The following PIGA variants were observed in gnomAD, a reference collection of about 807,000 sequenced individuals.
PIGA encodes the protein phosphatidylinositol glycan anchor biosynthesis class A.
In PIGA, 3 loss-of-function variants were observed where a neutral mutation model predicts 17.1. The ratio of observed to expected loss-of-function variants is 0.18; its 90% CI spans 0.08 to 0.45. The LOEUF is 0.45. Ranked by LOEUF, PIGA falls within the 20% of genes least tolerant of loss-of-function variation. The pLI is 0.99. For missense variants in PIGA, 231 were observed against 374.1 expected, an observed-to-expected ratio of 0.62 and a Z score of 3.16; for synonymous variants, 126 against 135.1, an observed-to-expected ratio of 0.93 and a Z score of 0.47.
rs184041443 is a variant in PIGA, at chrX:15,319,674, T to A, written c.*1832A>T. ...CAAACTGACAGTTACAATTAAGGTA[T>A]CCAGAAAGGTTGAAAATTAAGATTT... On this transcript the variant is annotated 3_prime_UTR_variant, in exon 6 of 6. Transcript: ENST00000333590. 22 of 111,520 alleles carry A rather than the reference T, an allele frequency of 2.0e-4. 1 individual carries two copies. In the East Asian group the frequency reaches 3.3e-3, roughly 17 times the overall value. The allele number at this position is 111,520 out of a possible 1,213,427, so 9.2% of individuals were successfully genotyped here.
intron 1 of PIGA, among the ~76,000 whole-genome samples, chrX:15,334,514 C>T (rs1400210840): frequency 9.0e-6 from 1 of 110,674 alleles, no homozygotes; most frequent in African/African-American, 3.3e-5. Flanking sequence ...AATATACTCT[C>T]GGAAAGACCC....
intron 5 of PIGA, among the ~76,000 whole-genome samples, chrX:15,322,587 T>C (rs1298008251): frequency 4.5e-5 from 5 of 112,012 alleles, no homozygotes. Flanking sequence ...ATTTGAGTAT[T>C]ACTTGTGCTT....
intron 5 of PIGA, among the ~76,000 whole-genome samples, chrX:15,323,841 C>T (rs1208419287): frequency 8.9e-6 from 1 of 111,843 alleles, no homozygotes; most frequent in Non-Finnish European, 1.9e-5. Flanking sequence ...AAACTACTAC[C>T]TTCTCCATGT....
intron 1 of PIGA, 99 bp from the exon 2 acceptor site, chrX:15,332,091 T>G (rs1315732657): frequency 1.9e-6 from 1 of 534,439 alleles, no homozygotes; most frequent in Non-Finnish European, 2.7e-6. Flanking sequence ...GTAAATTTGT[T>G]AGCTTTCCCC....
intron 5 of PIGA, among the ~76,000 whole-genome samples, chrX:15,322,428 G>A (rs750842681): frequency 1.3e-4 from 15 of 112,170 alleles, no homozygotes; most frequent in Non-Finnish European, 2.4e-4. Context: ...GTCAAATGCT[G>A]GCAAATGAAA....
intron 2 of PIGA, chrX:15,326,514 A>G (rs2147718947): frequency 8.9e-6 from 1 of 112,214 alleles, no homozygotes; most frequent in East Asian, 2.8e-4. Context: ...CTATGTACCT[A>G]AAGTCTCTTT....
At chrX:15,335,462 C>T in intron 1 of PIGA, 39 bp downstream of exon 1, 1 of 993,178 alleles carries the variant, frequency 1.0e-6, no homozygotes, top group Admixed American at 4.9e-5. Context: ...CCGAAAGCGG[C>T]CCAGAGCGCT....
chrX:15,323,184 C>T (rs1921866856), intron 5 of PIGA, among the ~76,000 whole-genome samples: 1 of 111,644 alleles, frequency 9.0e-6, no homozygotes, highest in South Asian at 3.8e-4. Context: ...GCTGACAAAC[C>T]GTCACCACAG....
chrX:15,335,528 G>C (rs1193984909), upstream of PIGA: 1 of 970,485 alleles, frequency 1.0e-6, no homozygotes, highest in Non-Finnish European at 1.3e-6. Flanking sequence ...GCCAGTGTCC[G>C]GACCTCCCGC....
chrX:15,322,817 A>G (rs1921856498), intron 5 of PIGA, among the ~76,000 whole-genome samples: 1 of 111,035 alleles, frequency 9.0e-6, no homozygotes. Context: ...TGTTTACAGC[A>G]TGAACTCCAA....
At chrX:15,332,107 T>A in intron 1 of PIGA, 115 bp from the exon 2 acceptor site, 1 of 484,614 alleles carries the variant, frequency 2.1e-6, no homozygotes, top group Non-Finnish European at 3.1e-6. Context: ...TCCCCAGAAT[T>A]AAAAATAAAG....
rs142772459 is a variant in PIGA at position 15,321,540 on chromosome X, C to A, written c.1421G>T (p.Gly474Val). 88 of 1,204,475 alleles carry A rather than the reference C, an allele frequency of 7.3e-5. No homozygotes were observed. The highest frequency in any genetic ancestry group is 9.1e-5 in the Non-Finnish European group (81 of 889,888). The stretch of plus-strand genomic sequence containing the variant: ...TTCAGATATCTCATTATTCTCACCC[C>A]CTCTTTTACTGTGAGAATAGTTATT... ...WTNNYSHSKR[G>V]GENNEISETR Residue 474 changes from glycine to valine, a missense_variant, in exon 6 of 6, where the codon GGG becomes GTG. Around this residue, in one of 5 missense-constraint regions of PIGA, gnomAD observed 88 missense variants for 100.5 expected, o/e 0.88. Transcript: ENST00000333590.
chrX:15,332,013 A>C (rs978817689), intron 1 of PIGA, 21 bp from the exon 2 acceptor site: 1 of 1,037,370 alleles, frequency 9.6e-7, no homozygotes, highest in African/African-American at 1.9e-5. Flanking sequence ...GTAAAACAGG[A>C]TCTCAGCTCA....
At chrX:15,329,629 TTAA>T (rs1033417923) in intron 2 of PIGA, among the ~76,000 whole-genome samples, 3 of 111,645 alleles carry the variant, frequency 2.7e-5, no homozygotes, top group African/African-American at 9.8e-5. Context: ...TGTATTTTTT[TTAA>T]TGATTCCCTA....
chrX:15,321,558 T>C lies in PIGA; in HGVS notation c.1403A>G (p.Tyr468Cys), dbSNP rs761613346. 18 of 1,203,943 alleles carry C rather than the reference T, an allele frequency of 1.5e-5. No homozygotes were observed. In the East Asian group the frequency reaches 4.1e-4, roughly 28 times the overall value. ...CTCACCCCCTCTTTTACTGTGAGAA[T>C]AGTTATTAGTCCAGGCACCCCGTGG... Reference protein sequence around the residue: ...TGPRGAWTNNYSHSKRGGENN... With the variant: ...TGPRGAWTNNCSHSKRGGENN... The change falls in exon 6 of 6, where the codon TAT becomes TGT. Residue 468 changes from tyrosine to cysteine, a missense_variant. Physicochemically the swap from Tyr to Cys is radical, Grantham distance 194 (BLOSUM62 -2). Coordinates refer to ENST00000333590, the MANE Select transcript of PIGA (RefSeq NM_002641.4).
At chrX:15,334,311 C>T (rs1457520371) in intron 1 of PIGA, among the ~76,000 whole-genome samples, 2 of 108,302 alleles carry the variant, frequency 1.8e-5, no homozygotes, top group Non-Finnish European at 3.8e-5. Flanking sequence ...CCACTTCAGC[C>T]TCCTGAATAG....
In PIGA at chrX:15,335,482, C is replaced by A; in HGVS notation, c.-63+19G>T. On this transcript the variant is annotated intron_variant, in intron 1 of 5. Coordinates refer to ENST00000333590, the MANE Select transcript of PIGA (RefSeq NM_002641.4). ...AGCGGCCCAGAGCGCTGGAGAGGGGCGGCGCGACGCGCACTCACCGGTGAG... is the reference window on the plus strand; with the variant it reads ...AGCGGCCCAGAGCGCTGGAGAGGGGAGGCGCGACGCGCACTCACCGGTGAG... The A allele has an allele frequency of 1.0e-6, 1 of 985,115 alleles. No individual in the cohort carries two copies. Among genetic ancestry groups the A allele is most frequent in the Non-Finnish European group, 1.3e-6 (1 of 780,947 alleles). The allele number at this position is 985,115 out of a possible 1,213,427, so 81.2% of individuals were successfully genotyped here.
chrX:15,323,452 G>C (rs1921876233), intron 5 of PIGA, among the ~76,000 whole-genome samples: 1 of 111,183 alleles, frequency 9.0e-6, no homozygotes, highest in Non-Finnish European at 1.9e-5. Flanking sequence ...ATGGAGTAGA[G>C]AGAGTCTGAA....
chrX:15,325,780 A>T, intron 3 of PIGA, 134 bp downstream of exon 3: 1 of 431,037 alleles, frequency 2.3e-6, no homozygotes, highest in Non-Finnish European at 3.7e-6. Context: ...CAGTCCTTGC[A>T]TTAGATTTAT....
Sources: gnomAD v4.1 joint callset for allele counts (sites outside exome capture counted in the v4.1 genomes callset) on GRCh38, gnomAD v4.1.1 for gene constraint, gnomAD v4.1.1 regional missense constraint, MANE v1.5 for transcripts, NCBI Gene and HGNC (gene_info 2026-07-23, HGNC 2026-07-21) for gene names.